ANKRD12: variants seen among roughly 807,000 people sequenced by gnomAD.
The protein encoded by ANKRD12 is ankyrin repeat domain-containing protein 12.
A neutral mutation model predicts 183.4 loss-of-function variants in ANKRD12; 85 were observed. The ratio of observed to expected loss-of-function variants is 0.46; its 90% confidence interval spans 0.39 to 0.56. The LOEUF (loss-of-function observed/expected upper bound fraction) is 0.56, where lower values mean the gene tolerates loss of function less well. Among genes scored for constraint, ANKRD12 ranks in the 20% least tolerant of loss-of-function variants. The probability of loss-of-function intolerance (pLI) is 0.00; values close to 1 mark genes in which losing one functional copy is unlikely to be tolerated. For synonymous variants in ANKRD12, 914 were observed against 800.2 expected (o/e 1.14, Z -2.40); for missense variants, 2,405 against 2,357.1 (o/e 1.02, Z -0.42).
intron 1 of ANKRD12, among the ~76,000 whole-genome samples, chr18:9,179,697 G>A (rs2033557293): frequency 6.6e-6 from 1 of 152,096 alleles, no homozygotes; most frequent in South Asian, 2.1e-4. Flanking sequence ...TGTATTTTTA[G>A]TAGAAGTGGT....
Position 9,254,288 on chromosome 18 carries a change from A to C in ANKRD12, c.1021A>C (p.Ile341Leu). ...CTCTGAAACAGAGAAAGACTCTCTCATCTGTGAAAGTAAACAGATACTTCC... is the reference window on the plus strand; with the variant it reads ...CTCTGAAACAGAGAAAGACTCTCTCCTCTGTGAAAGTAAACAGATACTTCC... ...IDSETEKDSL[I>L]CESKQILPSK... The change falls in exon 9 of 13, where the codon ATC becomes CTC. Residue 341 changes from isoleucine (I) to leucine (L), a missense_variant. Around this residue, in one of 7 missense-constraint regions of ANKRD12, gnomAD observed 1,983 missense variants for 1,725.9 expected, o/e 1.15. Coordinates refer to ENST00000262126, the MANE Select transcript of ANKRD12 (RefSeq NM_015208.5). The C allele has an allele frequency of 6.2e-7, 1 of 1,612,252 alleles. No individual in the cohort carries two copies. The highest frequency in any genetic ancestry group is 8.5e-7 in the Non-Finnish European group (1 of 1,179,274).
intron 5 of ANKRD12, among the ~76,000 whole-genome samples, chr18:9,210,789 A>T (rs1286694388): frequency 6.8e-6 from 1 of 147,330 alleles, no homozygotes; most frequent in Non-Finnish European, 1.5e-5. Context: ...AAAGGATGGT[A>T]TTGCCTTAGA....
chr18:9,280,841 A>G, intron 12 of ANKRD12, 100 bp from the exon 13 acceptor site: 1 of 1,036,338 alleles, frequency 9.6e-7, no homozygotes, highest in East Asian at 2.4e-5. Flanking sequence ...TATGCTCCTG[A>G]TGTGTCCATT....
chr18:9,256,559 C>T lies in ANKRD12; in HGVS notation c.3292C>T (p.His1098Tyr), dbSNP rs76101082. The change falls in exon 9 of 13, where the codon CAT becomes TAT. Residue 1098 changes from histidine (H) to tyrosine (Y), a missense_variant. Around this residue, in one of 7 missense-constraint regions of ANKRD12, gnomAD observed 1,983 missense variants for 1,725.9 expected, o/e 1.15. Coordinates refer to ENST00000262126, the MANE Select transcript of ANKRD12 (RefSeq NM_015208.5). ...DLEIEQWHKK[H>Y]KEKIKQKEKE... Reference sequence around the variant, plus strand: ...AGAAATAGAACAGTGGCACAAAAAACATAAGGAAAAAATTAAGCAAAAAGA... The same window carrying T: ...AGAAATAGAACAGTGGCACAAAAAATATAAGGAAAAAATTAAGCAAAAAGA... 8.8e-6 allele frequency: 14 copies of T among 1,596,128 alleles called. No individual in the cohort carries two copies. In the East Asian group the frequency reaches 3.1e-4, roughly 36 times the overall value.
chr18:9,239,540 T>C (rs1435521349), intron 8 of ANKRD12: 1 of 1,285,104 alleles, frequency 7.8e-7, no homozygotes, highest in Admixed American at 2.3e-5. Context: ...CCTCAAGGAA[T>C]GATACAAAAA....
chr18:9,203,806 T>C (rs1027394638), intron 3 of ANKRD12, among the ~76,000 whole-genome samples: 5 of 152,174 alleles, frequency 3.3e-5, no homozygotes, highest in African/African-American at 1.2e-4. Flanking sequence ...GGTTTCATCA[T>C]GTTGGCCAGA....
At chr18:9,145,886 A>G (rs905374616) in intron 1 of ANKRD12, among the ~76,000 whole-genome samples, 19 of 152,374 alleles carry the variant, frequency 1.2e-4, no homozygotes, top group Admixed American at 5.2e-4. Context: ...TGAAGAAGGC[A>G]TTCTCTGTTT....
chr18:9,146,145 A>G (rs2078485851), intron 1 of ANKRD12, among the ~76,000 whole-genome samples: 1 of 152,158 alleles, frequency 6.6e-6, no homozygotes, highest in African/African-American at 2.4e-5. Context: ...TTTAGGGGTT[A>G]TTTTTTATAA....
At chr18:9,192,398 CTT>C (rs2034507908) in intron 2 of ANKRD12, among the ~76,000 whole-genome samples, 1 of 152,076 alleles carries the variant, frequency 6.6e-6, no homozygotes, top group Admixed American at 6.5e-5. Context: ...ATGAGCCCTG[CTT>C]GATTATAATA....
At chr18:9,263,715 G>T (rs1375850519) in intron 9 of ANKRD12, 75 bp from the exon 10 acceptor site, 28 of 1,150,226 alleles carry the variant, frequency 2.4e-5, no homozygotes, top group Non-Finnish European at 3.2e-5. Context: ...CACTAAAAGG[G>T]TTTAATTTTA....
At chr18:9,279,045 G>C (rs145084993) in intron 11 of ANKRD12, among the ~76,000 whole-genome samples, 3 of 152,044 alleles carry the variant, frequency 2.0e-5, no homozygotes, top group Non-Finnish European at 4.4e-5. Flanking sequence ...TTTGAATATA[G>C]TCTGTTAATT....
chr18:9,255,908 T>C lies in ANKRD12; in HGVS notation c.2641T>C (p.Cys881Arg). 1.9e-6 allele frequency: 3 copies of C among 1,588,722 alleles called. No homozygotes were observed. The highest frequency in any genetic ancestry group is 2.6e-6 in the Non-Finnish European group (3 of 1,172,566). Residue 881 changes from cysteine (C) to arginine (R), a missense_variant, in exon 9 of 13, where the codon TGC becomes CGC. Around this residue, in one of 7 missense-constraint regions of ANKRD12, gnomAD observed 1,983 missense variants for 1,725.9 expected, o/e 1.15. Coordinates refer to ENST00000262126, the MANE Select transcript of ANKRD12 (RefSeq NM_015208.5). ...DKLYSHHTEK[C>R]HKEGEKSKNT... is the part of the protein sequence containing the mutation. ...GCTATATTCGCATCACACAGAAAAATGCCATAAAGAAGGTGAGAAGAGCAA... is the reference window on the plus strand; with the variant it reads ...GCTATATTCGCATCACACAGAAAAACGCCATAAAGAAGGTGAGAAGAGCAA...
intron 7 of ANKRD12, among the ~76,000 whole-genome samples, chr18:9,218,321 C>CT: frequency 6.6e-6 from 1 of 152,242 alleles, no homozygotes; most frequent in South Asian, 2.1e-4. Flanking sequence ...ACCAACATGC[C>CT]TAGGATAGTA....
intron 1 of ANKRD12, among the ~76,000 whole-genome samples, chr18:9,172,182 A>G (rs962225077): frequency 6.6e-6 from 1 of 151,068 alleles, no homozygotes; most frequent in Admixed American, 6.6e-5. Flanking sequence ...TTTCATTTTG[A>G]TCTTGGAGAA....
chr18:9,195,213 A>T (rs2034704356), intron 2 of ANKRD12, among the ~76,000 whole-genome samples: 1 of 152,196 alleles, frequency 6.6e-6, no homozygotes, highest in African/African-American at 2.4e-5. Flanking sequence ...AGAGGATCAA[A>T]AAACTGCCTA....
chr18:9,261,074 G>A (rs752033551), intron 9 of ANKRD12, among the ~76,000 whole-genome samples: 1 of 151,844 alleles, frequency 6.6e-6, no homozygotes, highest in Non-Finnish European at 1.5e-5. Context: ...AGTATTTTTC[G>A]AACCCATTTC....
chr18:9,186,203 C>T (rs551407372), intron 2 of ANKRD12, among the ~76,000 whole-genome samples: 9 of 145,464 alleles, frequency 6.2e-5, no homozygotes, highest in African/African-American at 1.8e-4. Context: ...TGCAGTGGCG[C>T]GAAAAAGTGT....
Position 9,255,534 on chromosome 18 carries a change from A to G in ANKRD12, c.2267A>G (p.Lys756Arg). 6.3e-7 allele frequency: 1 copy of G among 1,578,206 alleles called. No individual in the cohort carries two copies. Among genetic ancestry groups the G allele is most frequent in the Non-Finnish European group, 8.5e-7 (1 of 1,170,828 alleles). The change falls in exon 9 of 13, where the codon AAG (lysine) becomes AGG (arginine). Residue 756 changes from lysine (K) to arginine (R), a missense_variant. Physicochemically the swap from Lys to Arg is conservative, Grantham distance 26. Coordinates refer to ENST00000262126, the MANE Select transcript of ANKRD12 (RefSeq NM_015208.5). ...AAAGAGGAACGAGACAAGATTAAAA[A>G]GGAAAGCGAGAAATCTTTTAGGGAG... ...NFKEERDKIK[K>R]ESEKSFREEK...
At chr18:9,196,153 T>TCACAAA (rs2144417354) in intron 3 of ANKRD12, among the ~76,000 whole-genome samples, 1 of 107,240 alleles carries the variant, frequency 9.3e-6, no homozygotes, top group African/African-American at 4.0e-5. Context: ...ACACACACAT[T>TCACAAA]GAGGCTAACT....
Sources: allele counts gnomAD v4.1 joint callset (sites outside exome capture counted in the v4.1 genomes callset), GRCh38; gene constraint gnomAD v4.1.1; regional missense constraint gnomAD v4.1.1; transcripts MANE v1.5; gene names NCBI Gene and HGNC (gene_info 2026-07-23, HGNC 2026-07-21).